MYRIP: variants seen among roughly 807,000 people sequenced by gnomAD.
The protein encoded by MYRIP is myosin VIIA and Rab interacting protein.
Under a neutral mutation model 98.0 loss-of-function variants are expected in MYRIP, and 49 were observed. The observed-to-expected ratio is 0.50, with a 90% CI of 0.40 to 0.63. The LOEUF is 0.63. Among genes scored for constraint, MYRIP ranks in the 30% least tolerant of loss-of-function variants. The probability of loss-of-function intolerance (pLI) is 0.00; values close to 1 mark genes in which losing one functional copy is unlikely to be tolerated. For synonymous variants in MYRIP, 404 were observed against 409.5 expected (o/e 0.99, Z 0.16); for missense variants, 1,004 against 1,058.2 (o/e 0.95, Z 0.71).
At chr3:39,950,156 C>T (rs1944977611) in intron 2 of MYRIP, among the ~76,000 whole-genome samples, 1 of 152,042 alleles carries the variant, frequency 6.6e-6, no homozygotes, top group South Asian at 2.1e-4. Flanking sequence ...ATGAATTCTT[C>T]CATCTTTAGT....
chr3:39,854,515 T>C (rs1212288397), intron 1 of MYRIP, among the ~76,000 whole-genome samples: 1 of 152,206 alleles, frequency 6.6e-6, no homozygotes, highest in Non-Finnish European at 1.5e-5. Flanking sequence ...ATGACATCTA[T>C]TTCCCTGGAG....
rs530119347 is a variant in MYRIP, at chr3:39,995,841, G to A, written c.111-48209G>A. The stretch of plus-strand genomic sequence containing the variant: ...CATCAGACTAACAGCTGATCTCTTC[G>A]CAGAAACTCTACAAGCCAGAAGAGA... On this transcript the variant is annotated intron_variant, in intron 2 of 16. Coordinates refer to ENST00000302541, the MANE Select transcript of MYRIP (RefSeq NM_015460.4). Among the ~76,000 whole-genome samples, 448 of 152,240 alleles carry A rather than the reference G, an allele frequency of 2.9e-3. 5 individuals are homozygous for A. The South Asian group carries it at 0.041, about 14-fold the overall frequency.
intron 2 of MYRIP, among the ~76,000 whole-genome samples, chr3:39,904,241 G>A (rs777506579): frequency 6.6e-6 from 1 of 151,838 alleles, no homozygotes; most frequent in African/African-American, 2.4e-5. Context: ...TTCTTTGTTT[G>A]TTGTTTGTTT....
At chr3:39,817,745 GTATTGTA>G in intron 1 of MYRIP, among the ~76,000 whole-genome samples, 1 of 152,216 alleles carries the variant, frequency 6.6e-6, no homozygotes, top group Middle Eastern at 3.4e-3. Flanking sequence ...GTAGCCGCAT[GTATTGTA>G]TAGTGTGGTT....
At chr3:40,045,658 G>C (rs146431890) in intron 3 of MYRIP, among the ~76,000 whole-genome samples, 214 of 152,314 alleles carry the variant, frequency 1.4e-3, no homozygotes, top group Non-Finnish European at 2.7e-3. Context: ...GAAGAAATAA[G>C]AGTAGATCTA....
At chr3:40,199,872 GCA>G (rs995739008) in intron 10 of MYRIP, among the ~76,000 whole-genome samples, 56 of 151,990 alleles carry the variant, frequency 3.7e-4, no homozygotes, top group African/African-American at 1.3e-3. Context: ...CTGCTCTGAG[GCA>G]CAGTTGCTCC....
At chr3:39,915,422 T>A (rs1944129695) in intron 2 of MYRIP, among the ~76,000 whole-genome samples, 1 of 152,000 alleles carries the variant, frequency 6.6e-6, no homozygotes, top group Admixed American at 6.6e-5. Flanking sequence ...CAAAAAATTA[T>A]ACATCTCTGA....
intron 2 of MYRIP, among the ~76,000 whole-genome samples, chr3:39,975,653 A>G (rs574043442): frequency 3.3e-5 from 5 of 152,256 alleles, no homozygotes; most frequent in South Asian, 2.1e-4. Flanking sequence ...AAACTATACT[A>G]CAAGGCTACA....
At chr3:39,919,963 G>A (rs1006998519) in intron 2 of MYRIP, among the ~76,000 whole-genome samples, 21 of 152,056 alleles carry the variant, frequency 1.4e-4, no homozygotes, top group African/African-American at 5.1e-4. Flanking sequence ...CCTTGGGCAT[G>A]TACCTTCATC....
At chr3:40,166,519 G>T (rs368476264) in intron 5 of MYRIP, among the ~76,000 whole-genome samples, 92 of 148,984 alleles carry the variant, frequency 6.2e-4, no homozygotes, top group African/African-American at 2.2e-3. Context: ...GAAGGGATCC[G>T]AGAAGATTTG....
chr3:39,921,279 A>G lies in MYRIP; in HGVS notation c.110+20353A>G, dbSNP rs571098563. On this transcript the variant is annotated intron_variant, in intron 2 of 16. Transcript: ENST00000302541. ...AGCATGTTGCAAAAATCAACCAGCA[A>G]GTGAGCACTGGTGAACTCTTCCTGT... is the stretch of plus-strand genomic sequence containing the variant. 1.4e-3 allele frequency among the ~76,000 whole-genome samples: 207 copies of G among 152,322 alleles called. 4 individuals are homozygous for G. The South Asian group carries it at 0.041, about 30-fold the overall frequency.
intron 2 of MYRIP, among the ~76,000 whole-genome samples, chr3:40,009,311 C>T (rs1946704431): frequency 6.7e-6 from 1 of 149,552 alleles, no homozygotes; most frequent in South Asian, 2.1e-4. Flanking sequence ...ATCTCGGCTC[C>T]CTGCAAGCTC....
chr3:39,890,781 G>A (rs1380694594), intron 1 of MYRIP, among the ~76,000 whole-genome samples: 1 of 151,968 alleles, frequency 6.6e-6, no homozygotes, highest in Non-Finnish European at 1.5e-5. Flanking sequence ...TGCCTTCTCT[G>A]TGTATGATTC....
intron 1 of MYRIP, among the ~76,000 whole-genome samples, chr3:39,852,536 C>T (rs947620258): frequency 2.0e-5 from 3 of 151,934 alleles, no homozygotes; most frequent in Non-Finnish European, 2.9e-5. Context: ...TTTCATCACC[C>T]CACTCCCCCC....
intron 2 of MYRIP, among the ~76,000 whole-genome samples, chr3:40,008,480 C>A (rs1163337779): frequency 6.6e-6 from 1 of 152,164 alleles, no homozygotes; most frequent in Non-Finnish European, 1.5e-5. Flanking sequence ...CTTAGCCAGG[C>A]TGTAAGTCCC....
At chr3:40,176,451 T>G (rs987903535) in intron 8 of MYRIP, among the ~76,000 whole-genome samples, 3 of 151,986 alleles carry the variant, frequency 2.0e-5, no homozygotes, top group Non-Finnish European at 4.4e-5. Context: ...ACAAACAGCA[T>G]AAAAGCAGAA....
At chr3:39,940,688 A>G (rs1944763606) in intron 2 of MYRIP, among the ~76,000 whole-genome samples, 1 of 152,174 alleles carries the variant, frequency 6.6e-6, no homozygotes, top group Non-Finnish European at 1.5e-5. Context: ...ATGGTGAGAC[A>G]TTATTCATTA....
chr3:39,884,237 T>C (rs989164774), intron 1 of MYRIP, among the ~76,000 whole-genome samples: 6 of 152,024 alleles, frequency 3.9e-5, no homozygotes, highest in African/African-American at 1.4e-4. Flanking sequence ...CCTTAAGAAA[T>C]GAGAGGGAGA....
At chr3:39,812,391 A>G (rs2125561803) in intron 1 of MYRIP, among the ~76,000 whole-genome samples, 1 of 152,360 alleles carries the variant, frequency 6.6e-6, no homozygotes, top group South Asian at 2.1e-4. Flanking sequence ...AGAAAAATAG[A>G]AGGAATAATT....
Sources: gnomAD v4.1 joint callset for allele counts (sites outside exome capture counted in the v4.1 genomes callset) on GRCh38, gnomAD v4.1.1 for gene constraint, MANE v1.5 for transcripts, NCBI Gene and HGNC (gene_info 2026-07-23, HGNC 2026-07-21) for gene names.